Variants in USP32 observed in about 807,000 individuals in gnomAD.
USP32 encodes the protein ubiquitin specific peptidase 32.
In USP32, 59 loss-of-function variants were observed where a neutral mutation model predicts 204.8. That is an observed-to-expected ratio of 0.29 (90% CI 0.23 to 0.36). The LOEUF (loss-of-function observed/expected upper bound fraction) is 0.36. Ranked by LOEUF, USP32 falls within the 10% of genes least tolerant of loss-of-function variation. The pLI is 1.00. For missense variants in USP32, 1,160 were observed against 1,946.4 expected, an observed-to-expected ratio of 0.60 and a Z score of 7.60; for synonymous variants, 517 against 678.4, an observed-to-expected ratio of 0.76 and a Z score of 3.70.
chr17:60,376,617 G>A (rs1344232562), intron 1 of USP32, among the ~76,000 whole-genome samples: 3 of 151,586 alleles, frequency 2.0e-5, no homozygotes, highest in African/African-American at 7.3e-5. Flanking sequence ...TCTGCCTCCC[G>A]GATTCAAGCA....
intron 9 of USP32, chr17:60,258,298 T>C (rs1194036075): frequency 5.6e-6 from 1 of 178,944 alleles, no homozygotes; most frequent in East Asian, 1.6e-4. Context: ...AGAGAAAAAC[T>C]GTTGTCAGTT....
intron 30 of USP32, 54 bp from the exon 31 acceptor site, chr17:60,183,507 A>G (rs567399155): frequency 2.1e-5 from 32 of 1,514,664 alleles, no homozygotes; most frequent in Non-Finnish European, 2.8e-5. Flanking sequence ...AAGATACAAA[A>G]TTTACATGGA....
At chr17:60,245,389 TG>T in intron 11 of USP32, 1 of 406,772 alleles carries the variant, frequency 2.5e-6, no homozygotes. Flanking sequence ...GGAAACACTG[TG>T]GGCAATCTCA....
At chr17:60,389,401 G>A (rs1250767915) in intron 1 of USP32, among the ~76,000 whole-genome samples, 2 of 152,070 alleles carry the variant, frequency 1.3e-5, no homozygotes, top group East Asian at 1.9e-4. Flanking sequence ...AAATAAGCCA[G>A]GAGTGGTGGC....
chr17:60,347,607 C>G (rs1223394258), intron 1 of USP32, among the ~76,000 whole-genome samples: 2 of 151,544 alleles, frequency 1.3e-5, no homozygotes, highest in Non-Finnish European at 2.9e-5. Flanking sequence ...CCCGCCTCAG[C>G]CTCCCAAAGT....
intron 12 of USP32, among the ~76,000 whole-genome samples, chr17:60,231,188 C>G (rs991327001): frequency 1.3e-5 from 2 of 152,134 alleles, no homozygotes; most frequent in Non-Finnish European, 2.9e-5. Flanking sequence ...AAATATGGGT[C>G]AAGATTCACC....
At position 60,213,602 on chromosome 17, in the gene USP32, C is replaced by A. The variant is rs2085027219; in HGVS notation, c.2083G>T (p.Glu695Ter). ...GTACCTTCAATTACCAGGTGTTGTT[C>A]ATCCTGGATTTTCAAATATTCCAAT... ...HKLEYLKIQD[E>*]QHLVIEVRNK... Residue 695 changes from glutamate (E) to a stop codon, truncating the protein, a stop_gained, in exon 18 of 34, where the codon GAA becomes TAA. Coordinates refer to ENST00000300896, the MANE Select transcript of USP32 (RefSeq NM_032582.4). LOFTEE classifies it high-confidence loss of function. The A allele has an allele frequency of 7.4e-7, 1 of 1,360,226 alleles. No individual in the cohort carries two copies. Among genetic ancestry groups the A allele is most frequent in the African/African-American group, 1.5e-5 (1 of 64,678 alleles). 84.3% of individuals were successfully genotyped at this position (1,360,226 alleles called of 1,614,324 possible).
intron 5 of USP32, among the ~76,000 whole-genome samples, chr17:60,275,914 T>TA (rs763663202): frequency 0.028 from 3,945 of 139,424 alleles, 176 homozygotes; most frequent in African/African-American, 0.09. Flanking sequence ...TGTCTCTATT[T>TA]AAAAAAAAAA....
intron 12 of USP32, among the ~76,000 whole-genome samples, chr17:60,234,802 C>T (rs1297926992): frequency 6.6e-6 from 1 of 151,408 alleles, no homozygotes; most frequent in Non-Finnish European, 1.5e-5. Flanking sequence ...GTCTTGAATT[C>T]CTAGGCTCAG....
Position 60,190,678 on chromosome 17 carries a change from C to CA in USP32, c.3526dup (p.Cys1176LeufsTer5). The CA allele has an allele frequency of 6.3e-7, 1 of 1,590,708 alleles. No homozygotes were observed. The highest frequency in any genetic ancestry group is 2.3e-5 in the East Asian group (1 of 44,036). ...CCCACAATCAATTTTACAGCCTCTGCAAAATCTAAAAAGGGGGAAAAGATC... is the reference window on the plus strand; with the variant it reads ...CCCACAATCAATTTTACAGCCTCTGCAAAAATCTAAAAAGGGGGAAAAGATC... On this transcript the variant is annotated frameshift_variant, in exon 29 of 34. Transcript: ENST00000300896. LOFTEE classifies it high-confidence loss of function.
chr17:60,327,676 T>A (rs1226430760), intron 2 of USP32, among the ~76,000 whole-genome samples: 1 of 152,192 alleles, frequency 6.6e-6, no homozygotes, highest in African/African-American at 2.4e-5. Flanking sequence ...CCCCGCCCTC[T>A]CAGATGCAGG....
chr17:60,236,007 T>A (rs2085714682), intron 12 of USP32, 131 bp downstream of exon 12: 1 of 725,692 alleles, frequency 1.4e-6, no homozygotes, highest in Non-Finnish European at 2.4e-6. Context: ...TCATTTCCTT[T>A]CCCTTCGAAT....
intron 2 of USP32, among the ~76,000 whole-genome samples, chr17:60,316,604 G>C (rs2087984861): frequency 6.6e-6 from 1 of 152,118 alleles, no homozygotes; most frequent in African/African-American, 2.4e-5. Context: ...ACTTTGGGAG[G>C]CTGAGACAGG....
At chr17:60,393,762 G>T (rs140453793), upstream of USP32, among the ~76,000 whole-genome samples, 9,082 of 150,644 alleles carry the variant, frequency 0.06, 353 homozygotes, top group East Asian at 0.11. Flanking sequence ...TCGACTCACC[G>T]CAACCTCTGC....
rs74905524 is a variant in USP32 at position 60,254,075 on chromosome 17, T to C, written c.1074+1100A>G. ...CTTTGTTTAAAATGGTAGATCATGA[T>C]ACATATAAACATACTAAACCATTCT... On this transcript the variant is annotated intron_variant, in intron 10 of 33. Coordinates refer to ENST00000300896, the MANE Select transcript of USP32 (RefSeq NM_032582.4). 2.4e-3 allele frequency among the ~76,000 whole-genome samples: 360 copies of C among 152,242 alleles called. 2 individuals are homozygous for C. The highest frequency in any genetic ancestry group is 7.6e-3 in the African/African-American group (314 of 41,554).
intron 16 of USP32, among the ~76,000 whole-genome samples, chr17:60,215,403 ATTGATATCTGGC>A (rs903406518): frequency 3.2e-4 from 48 of 152,042 alleles, no homozygotes; most frequent in African/African-American, 1.0e-3. Context: ...AACAATTGGC[ATTGATATCTGGC>A]TGCACTCAGC....
At chr17:60,197,426 G>T (rs2084550525) in intron 27 of USP32, among the ~76,000 whole-genome samples, 1 of 151,942 alleles carries the variant, frequency 6.6e-6, no homozygotes, top group East Asian at 1.9e-4. Flanking sequence ...CCAACATGAA[G>T]AAACCCCATC....
rs186444383 is a variant in USP32, at chr17:60,331,694, G to A, written c.186+13787C>T. On this transcript the variant is annotated intron_variant, in intron 2 of 33. Coordinates refer to ENST00000300896, the MANE Select transcript of USP32 (RefSeq NM_032582.4). Reference sequence around the variant, plus strand: ...GGAGGCCAAGGTGGGAGGATTGCTTGAGTCCAGGAGTTCAAGACCAGCCTG... The same window carrying A: ...GGAGGCCAAGGTGGGAGGATTGCTTAAGTCCAGGAGTTCAAGACCAGCCTG... Among the ~76,000 whole-genome samples, 5 of 143,274 alleles carry A rather than the reference G, an allele frequency of 3.5e-5. No individual in the cohort carries two copies. In the East Asian group the frequency reaches 8.6e-4, roughly 25 times the overall value. The allele number at this position is 143,274 out of a possible 152,430, so 94.0% of individuals were successfully genotyped here.
At chr17:60,372,190 C>T (rs940976751) in intron 1 of USP32, among the ~76,000 whole-genome samples, 1 of 152,100 alleles carries the variant, frequency 6.6e-6, no homozygotes, top group South Asian at 2.1e-4. Flanking sequence ...TAAAAGAATA[C>T]AAAGTGGTCT....
Sources: allele counts gnomAD v4.1 joint callset (sites outside exome capture counted in the v4.1 genomes callset), GRCh38; gene constraint gnomAD v4.1.1; transcripts MANE v1.5; gene names NCBI Gene and HGNC (gene_info 2026-07-23, HGNC 2026-07-21).